The following LINGO1 variants were observed in gnomAD, a reference collection of about 807,000 sequenced individuals.
LINGO1 encodes leucine-rich repeat and immunoglobulin-like domain-containing nogo receptor-interacting protein 1.
In LINGO1, 11 loss-of-function variants were observed where a neutral mutation model predicts 37.3. The ratio of observed to expected loss-of-function variants is 0.29; its 90% confidence interval spans 0.19 to 0.49. LINGO1 has a LOEUF of 0.49. Among genes scored for constraint, LINGO1 ranks in the 20% least tolerant of loss-of-function variants. The pLI is 0.99. For missense variants in LINGO1, 585 were observed against 878.2 expected, an observed-to-expected ratio of 0.67 and a Z score of 4.22; for synonymous variants, 387 against 403.0, an observed-to-expected ratio of 0.96 and a Z score of 0.48.
At chr15:77,753,150 C>G (rs146805507) in intron 1 of LINGO1, among the ~76,000 whole-genome samples, 10 of 152,354 alleles carry the variant, frequency 6.6e-5, no homozygotes, top group African/African-American at 2.4e-4. Flanking sequence ...ACCTGACTGC[C>G]TCCAACTAAC....
chr15:77,630,441 T>A (rs559725477), intron 1 of LINGO1, among the ~76,000 whole-genome samples: 1 of 151,950 alleles, frequency 6.6e-6, no homozygotes, highest in Non-Finnish European at 1.5e-5. Flanking sequence ...TTTTGGGGGG[T>A]TGGGGTGGGG....
chr15:77,627,577 T>C (rs2074132488), intron 1 of LINGO1, among the ~76,000 whole-genome samples: 1 of 152,156 alleles, frequency 6.6e-6, no homozygotes, highest in Non-Finnish European at 1.5e-5. Context: ...CAAACTCTTA[T>C]TAAGTGCTCA....
rs149991679 is a variant in LINGO1 at position 77,776,288 on chromosome 15, T to C, written c.-257+10581A>G. Among the ~76,000 whole-genome samples, 7 of 152,138 alleles carry C rather than the reference T, an allele frequency of 4.6e-5. No individual in the cohort carries two copies. In the East Asian group the frequency reaches 1.2e-3, roughly 25 times the overall value. On this transcript the variant is annotated intron_variant, in intron 1 of 3. Coordinates refer to the LINGO1 transcript ENST00000561686. Reference sequence around the variant, plus strand: ...CACTGCCATAGCTGTTTGGGCACATTAAGGCATCACTCTGACTGCCCTGGC... The same window carrying C: ...CACTGCCATAGCTGTTTGGGCACATCAAGGCATCACTCTGACTGCCCTGGC...
intron 3 of LINGO1, among the ~76,000 whole-genome samples, chr15:77,666,555 A>C (rs1279015546): frequency 6.6e-6 from 1 of 152,222 alleles, no homozygotes; most frequent in East Asian, 1.9e-4. Context: ...TTAGGGGCTG[A>C]AGCTGGAGGC....
chr15:77,631,113 C>T (rs1013266820), intron 1 of LINGO1, among the ~76,000 whole-genome samples: 3 of 152,204 alleles, frequency 2.0e-5, no homozygotes, highest in African/African-American at 7.2e-5. Context: ...CTGGGTGTCC[C>T]GGCTCATTGC....
At chr15:77,813,300 G>A (rs1011559183) in intron 1 of LINGO1, among the ~76,000 whole-genome samples, 47 of 152,188 alleles carry the variant, frequency 3.1e-4, no homozygotes, top group African/African-American at 9.9e-4. Flanking sequence ...GGACAGGGAT[G>A]GGGGAGAACT....
chr15:77,665,769 T>C (rs887920876), intron 3 of LINGO1, among the ~76,000 whole-genome samples: 1 of 152,236 alleles, frequency 6.6e-6, no homozygotes, highest in Non-Finnish European at 1.5e-5. Flanking sequence ...GCATGTGTCC[T>C]GGGCCCTTTC....
At chr15:77,718,334 C>A (rs887255969) in intron 2 of LINGO1, among the ~76,000 whole-genome samples, 11 of 150,960 alleles carry the variant, frequency 7.3e-5, no homozygotes, top group African/African-American at 2.7e-4. Flanking sequence ...CATACCCACG[C>A]CCATCCCATG....
At chr15:77,749,345 AT>A (rs67641097) in intron 1 of LINGO1, among the ~76,000 whole-genome samples, 4,195 of 152,230 alleles carry the variant, frequency 0.028, 183 homozygotes, top group African/African-American at 0.095. Flanking sequence ...GCCCAATGCC[AT>A]TCCCCAGGTG....
intron 2 of LINGO1, among the ~76,000 whole-genome samples, chr15:77,734,014 G>GAGCT (rs1190283939): frequency 1.3e-5 from 2 of 152,138 alleles, no homozygotes; most frequent in Non-Finnish European, 2.9e-5. Flanking sequence ...GAGCTACGAG[G>GAGCT]AGCTCCCTTT....
At chr15:77,800,756 TAAAC>T (rs1166836796) in intron 1 of LINGO1, among the ~76,000 whole-genome samples, 3 of 151,912 alleles carry the variant, frequency 2.0e-5, no homozygotes, top group Admixed American at 6.6e-5. Context: ...AAAAGACACA[TAAAC>T]AAAGTTAAAA....
chr15:77,660,277 G>C (rs1412702196), intron 3 of LINGO1: 1 of 152,312 alleles, frequency 6.6e-6, no homozygotes, highest in Non-Finnish European at 1.5e-5. Context: ...GCCATGGTAA[G>C]ACGTGGAGGG....
rs575515097 is a variant in LINGO1, at chr15:77,654,887, T to G, written c.-13+22202A>C. ...CTCAATACTTGGGCTCTGTTGCTAT[T>G]GGAGGCACCAGCCAGAGCTGAGGTG... On this transcript the variant is annotated intron_variant, in intron 3 of 3. Transcript: ENST00000559893. Among the ~76,000 whole-genome samples, 463 of 152,316 alleles carry G rather than the reference T, an allele frequency of 3.0e-3. 1 individual carries two copies. The highest frequency in any genetic ancestry group is 5.1e-3 in the Non-Finnish European group (345 of 68,016).
Position 77,615,684 on chromosome 15 carries a change from G to C in LINGO1, c.223C>G (p.Leu75Val). ...VPEGIPTETR[L>V]LDLGKNRIKT... The stretch of plus-strand genomic sequence containing the variant: ...ATGCGGTTCTTGCCTAGGTCCAGCA[G>C]GCGCGTCTCGGTGGGGATGCCCTCG... The change falls in exon 2 of 2, where the codon CTG becomes GTG. Residue 75 changes from leucine (L) to valine (V), a missense_variant. By Grantham distance (32) the Leu-to-Val change is conservative. Coordinates refer to ENST00000355300, the MANE Select transcript of LINGO1 (RefSeq NM_032808.7). 6.2e-7 allele frequency: 1 copy of C among 1,606,398 alleles called. No individual in the cohort carries two copies. Among genetic ancestry groups the C allele is most frequent in the Non-Finnish European group, 8.5e-7 (1 of 1,176,144 alleles).
chr15:77,720,315 C>T (rs1368902958), intron 2 of LINGO1, among the ~76,000 whole-genome samples: 1 of 152,238 alleles, frequency 6.6e-6, no homozygotes, highest in Non-Finnish European at 1.5e-5. Context: ...CAAGCAGTGC[C>T]CCGGCCTGTC....
intron 3 of LINGO1, among the ~76,000 whole-genome samples, chr15:77,671,018 A>T (rs2075238862): frequency 6.6e-6 from 1 of 152,168 alleles, no homozygotes; most frequent in African/African-American, 2.4e-5. Context: ...CAGGCTTCCC[A>T]GGCACCAGGC....
rs140487315 is a variant in LINGO1 at position 77,645,152 on chromosome 15, G to C, written c.-12-29252C>G. Among the ~76,000 whole-genome samples the C allele has an allele frequency of 9.8e-5, 15 of 152,306 alleles. No homozygotes were observed. The East Asian group carries it at 2.9e-3, about 29-fold the overall frequency. On this transcript the variant is annotated intron_variant, in intron 3 of 3. Transcript: ENST00000559893. ...CTGTGGACCCCTCTCTGCACTTCCA[G>C]ACACCCCTCCTCCCAAACATACACA...
At position 77,732,919 on chromosome 15, in the gene LINGO1, G is replaced by A. The variant is rs1052976129; in HGVS notation, c.-195+2073C>T. Among the ~76,000 whole-genome samples, 6 of 152,166 alleles carry A rather than the reference G, an allele frequency of 3.9e-5. No individual in the cohort carries two copies. The East Asian group carries it at 5.8e-4, about 15-fold the overall frequency. ...ATAATCGAAGGTGCTCTGATGCTGC[G>A]TCCAGGTGTGTTGACTGATAGCCCT... On this transcript the variant is annotated intron_variant, in intron 2 of 3. Coordinates refer to the LINGO1 transcript ENST00000561686.
At chr15:77,692,941 C>T (rs975673843) in intron 1 of LINGO1, among the ~76,000 whole-genome samples, 4 of 152,242 alleles carry the variant, frequency 2.6e-5, no homozygotes, top group East Asian at 1.9e-4. Context: ...GAACACGAAA[C>T]GCCTGTGTGT....
Sources: gnomAD v4.1 joint callset for allele counts (sites outside exome capture counted in the v4.1 genomes callset) on GRCh38, gnomAD v4.1.1 for gene constraint, MANE v1.5 for transcripts, NCBI Gene and HGNC (gene_info 2026-07-23, HGNC 2026-07-21) for gene names.